The following PDSS1 variants were observed in gnomAD, a reference collection of about 807,000 sequenced individuals.
The protein encoded by PDSS1 is decaprenyl diphosphate synthase subunit 1.
PDSS1 carries 43 observed loss-of-function variants against 57.5 expected under a neutral mutation model. That is an observed-to-expected ratio of 0.75 (90% confidence interval 0.59 to 0.96). The LOEUF is 0.96. Ranked by LOEUF, PDSS1 falls within the 50% of genes least tolerant of loss-of-function variation. PDSS1 has a pLI of 0.00. For synonymous variants in PDSS1, 175 were observed against 191.3 expected, an observed-to-expected ratio of 0.91 and a Z score of 0.70; for missense variants, 438 against 527.8, an observed-to-expected ratio of 0.83 and a Z score of 1.67.
chr10:26,739,612 C>T (rs1032398236), intron 10 of PDSS1, among the ~76,000 whole-genome samples: 9 of 152,182 alleles, frequency 5.9e-5, no homozygotes, highest in African/African-American at 2.2e-4. Flanking sequence ...GCTTATACAT[C>T]ATAAACAAGG....
chr10:26,720,288 G>A lies in PDSS1; in HGVS notation c.538G>A (p.Asp180Asn). The change falls in exon 6 of 12, where the codon GAT (aspartate) becomes AAT (asparagine). Residue 180 changes from aspartate to asparagine, a missense_variant. Asp to Asn is a conservative substitution (Grantham distance 23). Transcript: ENST00000376215. ...EMIHTASLVH[D>N]DVIDDASSRR... Reference sequence around the variant, plus strand: ...GATCCACACTGCTAGTCTGGTTCACGATGACGTTATTGACGATGCAAGTTC... The same window carrying A: ...GATCCACACTGCTAGTCTGGTTCACAATGACGTTATTGACGATGCAAGTTC... 6.2e-7 allele frequency: 1 copy of A among 1,614,080 alleles called. No individual in the cohort carries two copies. The highest frequency in any genetic ancestry group is 8.5e-7 in the Non-Finnish European group (1 of 1,179,964).
At chr10:26,697,948 C>G in intron 1 of PDSS1, 108 bp downstream of exon 1, 1 of 1,042,938 alleles carries the variant, frequency 9.6e-7, no homozygotes, top group Non-Finnish European at 1.2e-6. Flanking sequence ...GACGCGGGGG[C>G]GCGCGGGGTA....
At chr10:26,727,250 AGTT>A (rs887780189) in intron 8 of PDSS1, among the ~76,000 whole-genome samples, 4 of 151,974 alleles carry the variant, frequency 2.6e-5, no homozygotes, top group Non-Finnish European at 4.4e-5. Flanking sequence ...GGGCCTGTCC[AGTT>A]GTTGTTAAGC....
chr10:26,729,615 C>G (rs1836094419), intron 8 of PDSS1, among the ~76,000 whole-genome samples: 1 of 152,180 alleles, frequency 6.6e-6, no homozygotes, highest in African/African-American at 2.4e-5. Flanking sequence ...TGACTCATAT[C>G]TCTGTGAAAA....
intron 6 of PDSS1, among the ~76,000 whole-genome samples, chr10:26,722,442 C>T (rs139730065): frequency 2.0e-5 from 3 of 152,218 alleles, no homozygotes; most frequent in Admixed American, 6.5e-5. Flanking sequence ...TGGTGGCTCA[C>T]GCCTGTAATC....
intron 11 of PDSS1, among the ~76,000 whole-genome samples, chr10:26,745,345 G>A (rs1312353726): frequency 1.3e-5 from 2 of 152,088 alleles, no homozygotes; most frequent in African/African-American, 4.8e-5. Flanking sequence ...AGAATAGGAT[G>A]TAAATATCTA....
At chr10:26,706,114 C>A (rs950459499) in intron 4 of PDSS1, among the ~76,000 whole-genome samples, 1 of 152,208 alleles carries the variant, frequency 6.6e-6, no homozygotes, top group South Asian at 2.1e-4. Context: ...TAGTTCCCAA[C>A]CTCACGTGGT....
intron 8 of PDSS1, among the ~76,000 whole-genome samples, chr10:26,731,780 T>G (rs61576458): frequency 0.042 from 6,328 of 152,316 alleles, 322 homozygotes; most frequent in African/African-American, 0.11. Flanking sequence ...ATTTTTCAGA[T>G]GCTTAAGGGC....
chr10:26,739,642 C>A (rs537822940), intron 10 of PDSS1, among the ~76,000 whole-genome samples: 21 of 152,246 alleles, frequency 1.4e-4, no homozygotes, highest in Admixed American at 2.6e-4. Flanking sequence ...CAGATGCCTA[C>A]GAGAGAATCA....
intron 10 of PDSS1, chr10:26,740,774 C>T: frequency 2.3e-6 from 1 of 443,842 alleles, no homozygotes; most frequent in Non-Finnish European, 4.6e-6. Flanking sequence ...GATGAGAAGC[C>T]TAAGACCCCA....
In PDSS1 at chr10:26,746,396, A is replaced by C; in HGVS notation, c.1171A>C (p.Ile391Leu). 6.2e-7 allele frequency: 1 copy of C among 1,614,056 alleles called. No individual in the cohort carries two copies. The highest frequency in any genetic ancestry group is 1.1e-5 in the South Asian group (1 of 91,074). Residue 391 changes from isoleucine (I) to leucine (L), a missense_variant, in exon 12 of 12, where the codon ATC (isoleucine) becomes CTC (leucine). Ile to Leu is a conservative substitution (Grantham distance 5, BLOSUM62 2). Around this residue, in one of 2 missense-constraint regions of PDSS1, gnomAD observed 284 missense variants for 390.7 expected, o/e 0.73. Transcript: ENST00000376215. ...QQYCHEAIREISKLRPSPERD... is the reference protein window; with the variant it reads ...QQYCHEAIRELSKLRPSPERD... ...GTACTGCCATGAAGCAATAAGAGAG[A>C]TCAGTAAACTTCGACCATCCCCAGA...
At chr10:26,707,489 C>G (rs1835272263) in intron 4 of PDSS1, among the ~76,000 whole-genome samples, 1 of 152,130 alleles carries the variant, frequency 6.6e-6, no homozygotes, top group Admixed American at 6.5e-5. Context: ...GACTAGCTAT[C>G]TACTGTAACG....
chr10:26,709,969 G>C (rs1009436733), intron 5 of PDSS1, among the ~76,000 whole-genome samples: 1 of 151,966 alleles, frequency 6.6e-6, no homozygotes, highest in African/African-American at 2.4e-5. Flanking sequence ...TGGCCAACAT[G>C]GTGAGACCCC....
chr10:26,745,845 C>CA (rs556874205), intron 11 of PDSS1, among the ~76,000 whole-genome samples: 19 of 136,832 alleles, frequency 1.4e-4, no homozygotes, highest in South Asian at 2.3e-4. Context: ...GACCCTGTCT[C>CA]AAAAAAAAAG....
chr10:26,729,982 A>G (rs563392075), intron 8 of PDSS1, among the ~76,000 whole-genome samples: 73 of 132,940 alleles, frequency 5.5e-4, no homozygotes, highest in African/African-American at 2.1e-3. Context: ...GCACTATCTC[A>G]GCTCACTGCA....
rs1401131056 is a variant in PDSS1 at position 26,735,308 on chromosome 10, A to C, written c.900A>C (p.Gly300=). The C allele has an allele frequency of 1.2e-6, 2 of 1,610,178 alleles. No homozygotes were observed. The highest frequency in any genetic ancestry group is 1.7e-6 in the Non-Finnish European group (2 of 1,176,498). The change falls in exon 9 of 12, where the codon GGA becomes GGC. Residue 300 remains glycine (G), a synonymous_variant. Coordinates refer to ENST00000376215, the MANE Select transcript of PDSS1 (RefSeq NM_014317.5). ...CCTATCAGTACGGAAAAAATGTAGGAATAGCTTTTCAGGTTAGTATGCTTT... is the reference window on the plus strand; with the variant it reads ...CCTATCAGTACGGAAAAAATGTAGGCATAGCTTTTCAGGTTAGTATGCTTT... ...EIAYQYGKNV[G]IAFQLIDDVL... is the part of the protein sequence containing the mutation.
chr10:26,705,560 G>A (rs577852564), intron 4 of PDSS1, among the ~76,000 whole-genome samples, 166 bp downstream of exon 4: 2 of 152,204 alleles, frequency 1.3e-5, no homozygotes, highest in East Asian at 3.9e-4. Flanking sequence ...TGCAACCCTT[G>A]CCTCCCAGGT....
intron 11 of PDSS1, among the ~76,000 whole-genome samples, chr10:26,743,249 G>T (rs1391848401): frequency 6.6e-6 from 1 of 152,202 alleles, no homozygotes; most frequent in Non-Finnish European, 1.5e-5. Flanking sequence ...TTTGGTGACT[G>T]ACTCCTGTGA....
At chr10:26,737,608 T>C (rs1223505586) in intron 10 of PDSS1, among the ~76,000 whole-genome samples, 1 of 151,108 alleles carries the variant, frequency 6.6e-6, no homozygotes, top group South Asian at 2.1e-4. Context: ...GGTGCATGCC[T>C]GTAATCCCAG....
Sources: allele counts gnomAD v4.1 joint callset (sites outside exome capture counted in the v4.1 genomes callset), GRCh38; gene constraint gnomAD v4.1.1; regional missense constraint gnomAD v4.1.1; transcripts MANE v1.5; gene names NCBI Gene and HGNC (gene_info 2026-07-23, HGNC 2026-07-21).